Variants in ATF7IP observed in about 807,000 individuals in gnomAD.
ATF7IP encodes activating transcription factor 7 interacting protein.
Under a neutral mutation model 106.4 loss-of-function variants are expected in ATF7IP, and 23 were observed. The observed-to-expected ratio is 0.22, with a 90% CI of 0.16 to 0.31. The LOEUF is 0.31. ATF7IP is among the 10% of genes least tolerant of loss of function. ATF7IP has a pLI of 1.00. For synonymous variants in ATF7IP, 542 were observed against 539.0 expected (o/e 1.01, Z -0.08); for missense variants, 1,334 against 1,524.3 (o/e 0.88, Z 2.08).
chr12:14,481,218 T>C (rs779790714), intron 13 of ATF7IP, 33 bp downstream of exon 13: 1 of 1,609,162 alleles, frequency 6.2e-7, no homozygotes, highest in South Asian at 1.1e-5. Context: ...GGCCCCAAGA[T>C]ACATGTAGTT....
chr12:14,429,445 CTG>C (rs1431738852), intron 2 of ATF7IP, among the ~76,000 whole-genome samples: 1 of 151,930 alleles, frequency 6.6e-6, no homozygotes, highest in Non-Finnish European at 1.5e-5. Flanking sequence ...AGAGAAAAAT[CTG>C]TTTTAGAGTG....
At chr12:14,439,376 T>G (rs1242764500) in intron 5 of ATF7IP, among the ~76,000 whole-genome samples, 1 of 152,236 alleles carries the variant, frequency 6.6e-6, no homozygotes, top group Non-Finnish European at 1.5e-5. Context: ...AGAATTTAAG[T>G]GTGTCTCCCA....
At chr12:14,391,596 A>G (rs528771832) in intron 1 of ATF7IP, among the ~76,000 whole-genome samples, 1 of 152,364 alleles carries the variant, frequency 6.6e-6, no homozygotes, top group South Asian at 2.1e-4. Context: ...TGAGTCAAAC[A>G]GAGTCAGGGT....
At chr12:14,445,294 A>G (rs1942902614) in intron 5 of ATF7IP, among the ~76,000 whole-genome samples, 2 of 151,860 alleles carry the variant, frequency 1.3e-5, no homozygotes, top group South Asian at 2.1e-4. Context: ...TGGCCCACCT[A>G]TATGATTTGA....
chr12:14,478,272 T>C lies in ATF7IP; in HGVS notation c.2942-45T>C, dbSNP rs1287886424. On this transcript the variant is annotated intron_variant, in intron 11 of 14. Transcript: ENST00000261168. ...CCATAGAGGAAAGACTTGTATTTCC[T>C]GATTTTTTTCTTGTCAGTCATAATA... 2.5e-6 allele frequency: 4 copies of C among 1,593,160 alleles called. No individual in the cohort carries two copies. In the African/African-American group the frequency reaches 5.4e-5, roughly 21 times the overall value.
chr12:14,446,161 T>G (rs777070125), intron 5 of ATF7IP, among the ~76,000 whole-genome samples: 3 of 152,012 alleles, frequency 2.0e-5, no homozygotes, highest in Non-Finnish European at 4.4e-5. Flanking sequence ...TTTTGTTTTT[T>G]TTTTGAGACA....
intron 1 of ATF7IP, among the ~76,000 whole-genome samples, chr12:14,367,049 A>G (rs535339991): frequency 5.3e-4 from 81 of 152,274 alleles, no homozygotes; most frequent in African/African-American, 1.7e-3. Context: ...ATAAGATTTG[A>G]TATGATTCTC....
chr12:14,425,929 C>T (rs1038692027), intron 2 of ATF7IP, among the ~76,000 whole-genome samples: 2 of 152,112 alleles, frequency 1.3e-5, no homozygotes, highest in Non-Finnish European at 2.9e-5. Flanking sequence ...TATTCTTTGT[C>T]CAGGAATGAC....
chr12:14,446,881 A>C, intron 5 of ATF7IP, 107 bp from the exon 6 acceptor site: 16 of 707,284 alleles, frequency 2.3e-5, no homozygotes, highest in Non-Finnish European at 3.5e-5. Flanking sequence ...CTATCTTCTG[A>C]GGATCCTGTT....
chr12:14,432,730 G>T, intron 2 of ATF7IP, among the ~76,000 whole-genome samples: 1 of 152,120 alleles, frequency 6.6e-6, no homozygotes, highest in Non-Finnish European at 1.5e-5. Flanking sequence ...GATTGGAGAA[G>T]AAATGTCTTA....
At chr12:14,370,887 T>A (rs1252199175) in intron 1 of ATF7IP, among the ~76,000 whole-genome samples, 1 of 152,040 alleles carries the variant, frequency 6.6e-6, no homozygotes, top group Admixed American at 6.6e-5. Flanking sequence ...AATCCTTTTT[T>A]GTTAAACACA....
At chr12:14,456,492 C>G in intron 6 of ATF7IP, 69 bp from the exon 7 acceptor site, 3 of 1,086,758 alleles carry the variant, frequency 2.8e-6, no homozygotes, top group Non-Finnish European at 2.8e-6. Flanking sequence ...ATCTACAGGT[C>G]TAATTTTTTT....
intron 1 of ATF7IP, among the ~76,000 whole-genome samples, chr12:14,402,309 G>A (rs1940283025): frequency 6.6e-6 from 1 of 151,300 alleles, no homozygotes; most frequent in African/African-American, 2.4e-5. Context: ...TAAATTTGTT[G>A]TTGAGATGGG....
chr12:14,416,051 G>A (rs2136516902), intron 1 of ATF7IP, among the ~76,000 whole-genome samples: 1 of 152,238 alleles, frequency 6.6e-6, no homozygotes. Context: ...AGATTCAGTA[G>A]TCTATTTAAT....
Position 14,438,048 on chromosome 12 carries a change from G to A in ATF7IP, c.1792-82G>A, listed in dbSNP as rs528086064. Reference sequence around the variant, plus strand: ...AGCCTGGGCGACAGAGCGAGACTCTGTCTCAAAAAAAAAGAATATTTACTG... The same window carrying A: ...AGCCTGGGCGACAGAGCGAGACTCTATCTCAAAAAAAAAGAATATTTACTG... On this transcript the variant is annotated intron_variant, in intron 4 of 14. Transcript: ENST00000261168. 82 of 1,386,926 alleles carry A rather than the reference G, an allele frequency of 5.9e-5. No homozygotes were observed. The East Asian group carries it at 1.7e-3, about 28-fold the overall frequency. 85.9% of individuals were successfully genotyped at this position (1,386,926 alleles called of 1,614,324 possible). A position where few individuals can be genotyped will look rare whatever the true frequency, so the allele number is the denominator to read the frequency against.
At chr12:14,396,014 A>G (rs1939820457) in intron 1 of ATF7IP, among the ~76,000 whole-genome samples, 1 of 152,212 alleles carries the variant, frequency 6.6e-6, no homozygotes, top group Non-Finnish European at 1.5e-5. Context: ...CCATTGCTGT[A>G]AAGATAGGAA....
intron 1 of ATF7IP, among the ~76,000 whole-genome samples, chr12:14,422,510 A>G (rs970971868): frequency 6.6e-5 from 10 of 152,206 alleles, no homozygotes; most frequent in Admixed American, 2.6e-4. Context: ...GAACATTTTC[A>G]TAACCCTGTA....
intron 6 of ATF7IP, among the ~76,000 whole-genome samples, chr12:14,449,429 G>A (rs995754694): frequency 5.3e-5 from 8 of 152,036 alleles, no homozygotes; most frequent in African/African-American, 1.9e-4. Context: ...AGGCAGTTTT[G>A]TTGAAGATCA....
chr12:14,371,827 T>A (rs574153817), intron 1 of ATF7IP, among the ~76,000 whole-genome samples: 1 of 152,250 alleles, frequency 6.6e-6, no homozygotes, highest in South Asian at 2.1e-4. Flanking sequence ...TAATTTTTTC[T>A]TTTAGGTTTT....
Sources: allele counts gnomAD v4.1 joint callset (sites outside exome capture counted in the v4.1 genomes callset), GRCh38; gene constraint gnomAD v4.1.1; transcripts MANE v1.5; gene names NCBI Gene and HGNC (gene_info 2026-07-23, HGNC 2026-07-21).